Variants in FRMD3 observed in about 807,000 individuals in gnomAD.
FRMD3 encodes FERM domain-containing protein 3.
In FRMD3, 33 loss-of-function variants were observed where a neutral mutation model predicts 70.2. The observed-to-expected ratio is 0.47, with a 90% CI of 0.36 to 0.63. The LOEUF is 0.63. Ranked by LOEUF, FRMD3 falls within the 20% of genes least tolerant of loss-of-function variation. The pLI is 0.00. For synonymous variants in FRMD3, 279 were observed against 255.9 expected, an observed-to-expected ratio of 1.09 and a Z score of -0.86; for missense variants, 632 against 711.4, an observed-to-expected ratio of 0.89 and a Z score of 1.27.
intron 6 of FRMD3, among the ~76,000 whole-genome samples, chr9:83,328,761 G>A (rs10867989): frequency 0.44 from 66,881 of 151,968 alleles, 15,087 homozygotes; most frequent in Admixed American, 0.5. Context: ...GCTGCTCTTC[G>A]ATAAATATTA....
chr9:83,345,694 T>A (rs1217406084), intron 4 of FRMD3, among the ~76,000 whole-genome samples: 2 of 151,878 alleles, frequency 1.3e-5, no homozygotes, highest in African/African-American at 4.8e-5. Context: ...GAGGCAGAAG[T>A]TACAGTGAGC....
At chr9:83,295,143 T>G (rs1834608830) in intron 12 of FRMD3, among the ~76,000 whole-genome samples, 1 of 152,240 alleles carries the variant, frequency 6.6e-6, no homozygotes, top group Non-Finnish European at 1.5e-5. Context: ...AAGGTTTCCT[T>G]TGGGAACTAC....
chr9:83,459,660 G>A (rs1287554782), intron 1 of FRMD3, among the ~76,000 whole-genome samples: 2 of 152,222 alleles, frequency 1.3e-5, no homozygotes, highest in East Asian at 1.9e-4. Flanking sequence ...TGGCCTCAGG[G>A]CTGACAATTC....
intron 1 of FRMD3, among the ~76,000 whole-genome samples, chr9:83,493,417 A>G (rs2131500771): frequency 6.6e-6 from 1 of 152,316 alleles, no homozygotes; most frequent in African/African-American, 2.4e-5. Flanking sequence ...TGATCTGTGC[A>G]TTCCTGTAGT....
chr9:83,523,864 T>C (rs1026850968), intron 1 of FRMD3, among the ~76,000 whole-genome samples: 2 of 152,222 alleles, frequency 1.3e-5, no homozygotes, highest in African/African-American at 4.8e-5. Context: ...AAGGTGTCAC[T>C]CAAGGTGCCC....
intron 12 of FRMD3, among the ~76,000 whole-genome samples, chr9:83,298,084 CT>C (rs138839315): frequency 0.02 from 2,986 of 152,282 alleles, 82 homozygotes; most frequent in African/African-American, 0.061. Context: ...TGTAGGGGGA[CT>C]TCCTAAATAA....
intron 1 of FRMD3, among the ~76,000 whole-genome samples, chr9:83,475,409 T>G (rs1450161064): frequency 6.6e-6 from 1 of 151,904 alleles, no homozygotes; most frequent in African/African-American, 2.4e-5. Context: ...GAATTGGTGA[T>G]CTAGAAGATA....
chr9:83,492,955 C>T (rs924337964), intron 1 of FRMD3, among the ~76,000 whole-genome samples: 4 of 152,128 alleles, frequency 2.6e-5, no homozygotes, highest in East Asian at 1.9e-4. Flanking sequence ...GTCCAGGGGC[C>T]GAGACATTCT....
At position 83,299,556 on chromosome 9, in the gene FRMD3, T is replaced by C. The variant is rs143477488; in HGVS notation, c.927-370A>G. Among the ~76,000 whole-genome samples, 9 of 152,348 alleles carry C rather than the reference T, an allele frequency of 5.9e-5. No homozygotes were observed. The East Asian group carries it at 1.7e-3, about 29-fold the overall frequency. ...ATGGAGAAGAGGGAATTTTGTGACA[T>C]GGCATCAGGAAGTTCGTGGTTGTTA... On this transcript the variant is annotated intron_variant, in intron 10 of 13. Coordinates refer to ENST00000304195, the MANE Select transcript of FRMD3 (RefSeq NM_174938.6).
At chr9:83,288,593 GATCT>G (rs772026134) in intron 13 of FRMD3, among the ~76,000 whole-genome samples, 13 of 152,196 alleles carry the variant, frequency 8.5e-5, no homozygotes, top group Non-Finnish European at 1.9e-4. Flanking sequence ...CGAAGAGAGA[GATCT>G]ATCAGTTTGG....
At chr9:83,359,615 G>A (rs1193955245) in intron 3 of FRMD3, among the ~76,000 whole-genome samples, 3 of 152,138 alleles carry the variant, frequency 2.0e-5, no homozygotes, top group African/African-American at 7.2e-5. Context: ...ATAAACAAGT[G>A]TGTATAGCTG....
At chr9:83,367,555 C>T (rs1490732980) in intron 3 of FRMD3, among the ~76,000 whole-genome samples, 3 of 152,190 alleles carry the variant, frequency 2.0e-5, no homozygotes, top group Non-Finnish European at 4.4e-5. Flanking sequence ...CCTCCAGTAT[C>T]CTCTGGACAG....
chr9:83,555,897 A>T, the FRMD3 span, among the ~76,000 whole-genome samples: 1 of 152,188 alleles, frequency 6.6e-6, no homozygotes, highest in Non-Finnish European at 1.5e-5. Flanking sequence ...CTGTGGGAGA[A>T]GCGTGGTTTC....
At chr9:83,475,576 C>T (rs575140377) in intron 1 of FRMD3, among the ~76,000 whole-genome samples, 90 of 152,178 alleles carry the variant, frequency 5.9e-4, no homozygotes, top group Admixed American at 5.5e-3. Flanking sequence ...AGTAACTAAG[C>T]TTCATTTCAT....
At chr9:83,452,574 C>T (rs982157570) in intron 1 of FRMD3, among the ~76,000 whole-genome samples, 3 of 151,746 alleles carry the variant, frequency 2.0e-5, no homozygotes, top group Non-Finnish European at 4.4e-5. Flanking sequence ...CACCGCCTCC[C>T]GGGTTCACGC....
chr9:83,433,655 T>C (rs1827046457), intron 1 of FRMD3, among the ~76,000 whole-genome samples: 1 of 152,246 alleles, frequency 6.6e-6, no homozygotes, highest in African/African-American at 2.4e-5. Flanking sequence ...CTTGTTTTCC[T>C]GCAACTAGAC....
chr9:83,430,786 A>G (rs1236175431), intron 1 of FRMD3, among the ~76,000 whole-genome samples: 1 of 152,234 alleles, frequency 6.6e-6, no homozygotes, highest in African/African-American at 2.4e-5. Flanking sequence ...TGGCCTCTTG[A>G]AAACTCAGCT....
intron 13 of FRMD3, among the ~76,000 whole-genome samples, chr9:83,271,168 T>C (rs1729308690): frequency 6.6e-6 from 1 of 152,214 alleles, no homozygotes; most frequent in Admixed American, 6.5e-5. Context: ...TATCATGCAA[T>C]TTATCTACAT....
intron 1 of FRMD3, among the ~76,000 whole-genome samples, chr9:83,460,377 C>T (rs1466376656): frequency 2.0e-5 from 3 of 152,106 alleles, no homozygotes; most frequent in Admixed American, 1.3e-4. Flanking sequence ...TGTTCTCAAC[C>T]CTCTCCCAAT....
Sources: gnomAD v4.1 joint callset for allele counts (sites outside exome capture counted in the v4.1 genomes callset) on GRCh38, gnomAD v4.1.1 for gene constraint, MANE v1.5 for transcripts, NCBI Gene and HGNC (gene_info 2026-07-23, HGNC 2026-07-21) for gene names.